Variants in SPHKAP observed in about 807,000 individuals in gnomAD.
SPHKAP encodes the protein SPHK1 interactor, AKAP domain containing.
In SPHKAP, 67 loss-of-function variants were observed where a neutral mutation model predicts 137.5. That is an observed-to-expected ratio of 0.49 (90% confidence interval 0.40 to 0.60). The LOEUF (loss-of-function observed/expected upper bound fraction) is 0.60, where lower values mean the gene tolerates loss of function less well. Ranked by LOEUF, SPHKAP falls within the 20% of genes least tolerant of loss-of-function variation. SPHKAP has a pLI of 0.00. For synonymous variants in SPHKAP, 813 were observed against 785.3 expected (o/e 1.04, Z -0.59); for missense variants, 2,097 against 2,069.3 (o/e 1.01, Z -0.26).
chr2:228,157,671 TG>T (rs1455255594), intron 1 of SPHKAP, among the ~76,000 whole-genome samples: 2 of 152,098 alleles, frequency 1.3e-5, no homozygotes, highest in African/African-American at 4.8e-5. Context: ...TTTATGAGTA[TG>T]GGGGTAAAGG....
At chr2:228,042,244 C>T (rs10183965) in intron 3 of SPHKAP, among the ~76,000 whole-genome samples, 58,067 of 151,972 alleles carry the variant, frequency 0.38, 11,549 homozygotes, top group South Asian at 0.51. Context: ...ATCATCTGGA[C>T]GGAGTTCTTA....
At chr2:228,106,883 T>A (rs182323073) in intron 3 of SPHKAP, among the ~76,000 whole-genome samples, 1 of 152,224 alleles carries the variant, frequency 6.6e-6, no homozygotes, top group South Asian at 2.1e-4. Context: ...TAGTTTTTCA[T>A]AGGGACCCTG....
intron 11 of SPHKAP, among the ~76,000 whole-genome samples, chr2:227,985,703 CT>C (rs1380719375): frequency 6.6e-6 from 1 of 152,104 alleles, no homozygotes; most frequent in Admixed American, 6.5e-5. Context: ...CATCTGTAGA[CT>C]CATTTGAAGA....
chr2:228,097,949 T>G (rs930914910), intron 3 of SPHKAP, among the ~76,000 whole-genome samples: 1 of 152,150 alleles, frequency 6.6e-6, no homozygotes, highest in Non-Finnish European at 1.5e-5. Context: ...AAGAGACGAG[T>G]ACATGTGTCT....
At chr2:228,034,251 C>T (rs999572614) in intron 3 of SPHKAP, among the ~76,000 whole-genome samples, 23 of 152,276 alleles carry the variant, frequency 1.5e-4, no homozygotes, top group African/African-American at 5.1e-4. Context: ...ACTACAAACA[C>T]CTCTACGCAA....
At chr2:228,158,160 C>T (rs924806784) in intron 1 of SPHKAP, among the ~76,000 whole-genome samples, 1 of 152,152 alleles carries the variant, frequency 6.6e-6, no homozygotes, top group Non-Finnish European at 1.5e-5. Context: ...TGAAATTCAT[C>T]AGCATTCTGT....
At chr2:228,037,213 A>G (rs556813612) in intron 3 of SPHKAP, among the ~76,000 whole-genome samples, 2 of 152,164 alleles carry the variant, frequency 1.3e-5, no homozygotes, top group South Asian at 4.2e-4. Context: ...ATTTCCATGA[A>G]AAAAAATGCA....
intron 1 of SPHKAP, chr2:228,172,892 G>A (rs935900745): frequency 4.1e-6 from 1 of 242,434 alleles, no homozygotes; most frequent in Non-Finnish European, 6.6e-6. Flanking sequence ...TCCCTTCTGT[G>A]CACTTTGCAT....
intron 3 of SPHKAP, among the ~76,000 whole-genome samples, chr2:228,033,167 T>A (rs1439324626): frequency 6.6e-6 from 1 of 151,632 alleles, no homozygotes; most frequent in African/African-American, 2.4e-5. Flanking sequence ...AGGCTCAAAA[T>A]AAAGGGATGG....
At chr2:228,009,714 G>T (rs1439327649) in intron 7 of SPHKAP, among the ~76,000 whole-genome samples, 2 of 152,106 alleles carry the variant, frequency 1.3e-5, no homozygotes, top group African/African-American at 4.8e-5. Context: ...TTTCAGTTCA[G>T]CTTGATATTT....
chr2:228,050,300 C>T (rs1312150693), intron 3 of SPHKAP, among the ~76,000 whole-genome samples: 1 of 152,170 alleles, frequency 6.6e-6, no homozygotes, highest in Non-Finnish European at 1.5e-5. Flanking sequence ...TAATTTAAAA[C>T]TACCATTCAA....
At chr2:228,029,576 CAGA>C (rs1481181254) in intron 3 of SPHKAP, among the ~76,000 whole-genome samples, 2 of 152,136 alleles carry the variant, frequency 1.3e-5, no homozygotes, top group African/African-American at 4.8e-5. Flanking sequence ...CACTCCCATT[CAGA>C]AGTTCTTTTT....
At position 228,017,609 on chromosome 2, in the gene SPHKAP, C is replaced by A. The variant is rs370437242; in HGVS notation, c.3245G>T (p.Ser1082Ile). ...GDRWSRLKAS[S>I]CESIPEEDSE... ...GTCTTCCTCAGGAATGCTTTCGCAG[C>A]TGGAGGCCTTCAGCCGGCTCCACCT... The change falls in exon 7 of 12, where the codon AGC (serine) becomes ATC (isoleucine). Residue 1082 changes from serine to isoleucine, a missense_variant. Ser to Ile is a moderately radical substitution (Grantham distance 142). Coordinates refer to ENST00000392056, the MANE Select transcript of SPHKAP (RefSeq NM_001142644.2). 14 of 1,613,950 alleles carry A rather than the reference C, an allele frequency of 8.7e-6. No homozygotes were observed. The South Asian group carries it at 1.5e-4, about 18-fold the overall frequency.
intron 2 of SPHKAP, among the ~76,000 whole-genome samples, chr2:228,130,898 CTTAA>C (rs996390383): frequency 6.6e-6 from 1 of 151,932 alleles, no homozygotes; most frequent in African/African-American, 2.4e-5. Flanking sequence ...AATAAGAATC[CTTAA>C]TTAATTAGAC....
chr2:228,134,776 C>G (rs1200787251), intron 1 of SPHKAP, among the ~76,000 whole-genome samples: 1 of 152,166 alleles, frequency 6.6e-6, no homozygotes, highest in African/African-American at 2.4e-5. Context: ...GCTCTGTGTC[C>G]TGTTGCTACT....
At chr2:228,088,417 T>C (rs1371962379) in intron 3 of SPHKAP, among the ~76,000 whole-genome samples, 1 of 152,112 alleles carries the variant, frequency 6.6e-6, no homozygotes, top group Non-Finnish European at 1.5e-5. Flanking sequence ...ACTAAGAAAA[T>C]ATTTTAAAAA....
chr2:228,061,100 C>T (rs1345312950), intron 3 of SPHKAP, among the ~76,000 whole-genome samples: 2 of 152,066 alleles, frequency 1.3e-5, no homozygotes, highest in African/African-American at 4.8e-5. Context: ...GTTTTCTTTT[C>T]TTAGTGTTAA....
intron 2 of SPHKAP, among the ~76,000 whole-genome samples, chr2:228,129,702 A>G (rs1316502176): frequency 1.3e-5 from 2 of 151,894 alleles, no homozygotes; most frequent in African/African-American, 4.8e-5. Context: ...TTATGTATAA[A>G]TATATACATT....
At chr2:228,049,718 A>G (rs183531118) in intron 3 of SPHKAP, among the ~76,000 whole-genome samples, 2 of 152,294 alleles carry the variant, frequency 1.3e-5, no homozygotes, top group East Asian at 3.9e-4. Flanking sequence ...CCCAATGTTT[A>G]GCTCTTACTT....
Sources: gnomAD v4.1 joint callset for allele counts (sites outside exome capture counted in the v4.1 genomes callset) on GRCh38, gnomAD v4.1.1 for gene constraint, MANE v1.5 for transcripts, NCBI Gene and HGNC (gene_info 2026-07-23, HGNC 2026-07-21) for gene names.